POFUT3: variants seen among roughly 807,000 people sequenced by gnomAD.
POFUT3 encodes GDP-fucose protein O-fucosyltransferase 3.
the POFUT3 span, among the ~76,000 whole-genome samples, chr8:33,317,681 G>A: frequency 1.3e-5 from 2 of 152,168 alleles, no homozygotes; most frequent in East Asian, 3.9e-4. Flanking sequence ...TTTGCTGGTT[G>A]CCCTGTAAAT....
the POFUT3 span, among the ~76,000 whole-genome samples, chr8:33,331,205 G>A: frequency 7.3e-5 from 11 of 151,246 alleles, no homozygotes; most frequent in African/African-American, 1.5e-4. Context: ...AACCGGGCGC[G>A]CGCCTGTAAT....
chr8:33,441,411 G>A, the POFUT3 span, among the ~76,000 whole-genome samples: 1 of 126,296 alleles, frequency 7.9e-6, no homozygotes, highest in South Asian at 2.5e-4. Flanking sequence ...GACAAGGTCT[G>A]GCTCTATTGA....
the POFUT3 span, among the ~76,000 whole-genome samples, chr8:33,423,137 G>A: frequency 5.3e-5 from 8 of 152,018 alleles, no homozygotes; most frequent in South Asian, 6.2e-4. Flanking sequence ...ACTTTATGGC[G>A]CTTCTCATTT....
the POFUT3 span, among the ~76,000 whole-genome samples, chr8:33,470,330 G>A: frequency 0.016 from 2,374 of 151,822 alleles, 78 homozygotes; most frequent in African/African-American, 0.054. Context: ...CTGAGCAGGA[G>A]GATCCCTTGA....
the POFUT3 span, among the ~76,000 whole-genome samples, chr8:33,424,411 G>A: frequency 6.6e-6 from 1 of 152,106 alleles, no homozygotes; most frequent in Non-Finnish European, 1.5e-5. Flanking sequence ...GCAATGGATA[G>A]GAGCACTACA....
At chr8:33,405,508 G>T in the POFUT3 span, among the ~76,000 whole-genome samples, 1 of 152,144 alleles carries the variant, frequency 6.6e-6, no homozygotes, top group South Asian at 2.1e-4. Flanking sequence ...AATAGTCGAT[G>T]ATTCAAGAAA....
At chr8:33,422,467 C>A in the POFUT3 span, among the ~76,000 whole-genome samples, 7 of 149,752 alleles carry the variant, frequency 4.7e-5, no homozygotes, top group African/African-American at 1.5e-4. Context: ...ATTGCTTGAA[C>A]CCAGGAGGCA....
the POFUT3 span, among the ~76,000 whole-genome samples, chr8:33,391,742 C>G: frequency 6.6e-6 from 1 of 152,110 alleles, no homozygotes; most frequent in Non-Finnish European, 1.5e-5. Context: ...GAATCAGAAG[C>G]AGGGATTCAA....
the POFUT3 span, among the ~76,000 whole-genome samples, chr8:33,404,928 C>G: frequency 6.6e-6 from 1 of 152,038 alleles, no homozygotes; most frequent in Admixed American, 6.6e-5. Flanking sequence ...GTAGATGAGA[C>G]CTTTCCTGCT....
the POFUT3 span, among the ~76,000 whole-genome samples, chr8:33,348,319 G>A: frequency 6.6e-6 from 1 of 152,142 alleles, no homozygotes; most frequent in East Asian, 1.9e-4. Context: ...AAATGTGGCA[G>A]AAGAGTCACT....
the POFUT3 span, among the ~76,000 whole-genome samples, chr8:33,336,258 T>A: frequency 6.6e-6 from 1 of 152,176 alleles, no homozygotes; most frequent in South Asian, 2.1e-4. Flanking sequence ...GGCTTCAAGC[T>A]ACGAGTGTGA....
the POFUT3 span, among the ~76,000 whole-genome samples, chr8:33,370,346 C>G: frequency 6.6e-6 from 1 of 152,180 alleles, no homozygotes; most frequent in South Asian, 2.1e-4. Flanking sequence ...TAGAGCAAGA[C>G]TTCTTCTCAA....
the POFUT3 span, among the ~76,000 whole-genome samples, chr8:33,356,576 C>T: frequency 5.9e-5 from 9 of 151,530 alleles, no homozygotes; most frequent in Admixed American, 4.6e-4. Flanking sequence ...TATTAGCCCT[C>T]TGTCAGATGA....
At chr8:33,412,700 T>C in the POFUT3 span, among the ~76,000 whole-genome samples, 1 of 152,214 alleles carries the variant, frequency 6.6e-6, no homozygotes, top group African/African-American at 2.4e-5. Flanking sequence ...CAATCTTGGC[T>C]CACTGCAACC....
chr8:33,313,833 A>C, the POFUT3 span, among the ~76,000 whole-genome samples: 1 of 152,090 alleles, frequency 6.6e-6, no homozygotes, highest in African/African-American at 2.4e-5. Context: ...CTGTTGACTC[A>C]TATGGAACCT....
the POFUT3 span, among the ~76,000 whole-genome samples, chr8:33,324,883 C>T: frequency 3.3e-5 from 5 of 152,076 alleles, no homozygotes; most frequent in African/African-American, 1.2e-4. Context: ...ATCTTCATTC[C>T]CAGTGCTAGG....
chr8:33,443,056 T>C, the POFUT3 span, among the ~76,000 whole-genome samples: 3 of 152,044 alleles, frequency 2.0e-5, no homozygotes, highest in East Asian at 5.8e-4. Flanking sequence ...GAAGGTGCAG[T>C]GAGCCAAGAT....
the POFUT3 span, among the ~76,000 whole-genome samples, chr8:33,425,357 T>C: frequency 1.3e-5 from 2 of 151,906 alleles, no homozygotes; most frequent in African/African-American, 4.8e-5. Flanking sequence ...AATTAAAAAA[T>C]TTTTTAAATA....
At chr8:33,408,602 G>A in the POFUT3 span, among the ~76,000 whole-genome samples, 1 of 152,158 alleles carries the variant, frequency 6.6e-6, no homozygotes, top group African/African-American at 2.4e-5. Flanking sequence ...TCATATAAGT[G>A]TGCAACAAAG....
Sources: allele counts gnomAD v4.1 joint callset (sites outside exome capture counted in the v4.1 genomes callset), GRCh38; gene constraint gnomAD v4.1.1; transcripts MANE v1.5; gene names NCBI Gene and HGNC (gene_info 2026-07-23, HGNC 2026-07-21).